LUZP2: variants seen among roughly 807,000 people sequenced by gnomAD.
The protein encoded by LUZP2 is leucine zipper protein 2.
Under a neutral mutation model 51.6 loss-of-function variants are expected in LUZP2, and 52 were observed. The observed-to-expected ratio is 1.01, with a 90% CI of 0.81 to 1.27. LUZP2 has a LOEUF of 1.27. LUZP2 is among the 50% of genes most tolerant of loss of function. The probability of loss-of-function intolerance (pLI) is 0.00; values close to 1 mark genes in which losing one functional copy is unlikely to be tolerated. For synonymous variants in LUZP2, 154 were observed against 137.3 expected (o/e 1.12, Z -0.85); for missense variants, 436 against 395.4 (o/e 1.10, Z -0.87).
intron 7 of LUZP2, among the ~76,000 whole-genome samples, chr11:24,922,837 C>CTTTTTTTTTTTTTTTTTTTTT (rs749672583): frequency 4.2e-5 from 2 of 47,318 alleles, no homozygotes; most frequent in Non-Finnish European, 3.7e-5. Flanking sequence ...TTTTTTTTTT[C>CTTTTTTTTTTTTTTTTTTTTT]TTTTTTTTTT....
At chr11:24,957,647 CA>C (rs1448725789) in intron 7 of LUZP2, among the ~76,000 whole-genome samples, 1 of 152,130 alleles carries the variant, frequency 6.6e-6, no homozygotes, top group African/African-American at 2.4e-5. Flanking sequence ...TCTTCAATTC[CA>C]TCCATGTTGT....
At chr11:24,660,432 A>G (rs1855979039) in intron 1 of LUZP2, among the ~76,000 whole-genome samples, 1 of 152,192 alleles carries the variant, frequency 6.6e-6, no homozygotes, top group African/African-American at 2.4e-5. Context: ...AGTCACAAGA[A>G]CTTTTACAAT....
chr11:25,081,029 A>ATTTTGTTT lies in LUZP2; in HGVS notation c.*2375_*2376insGTTTTTTT, dbSNP rs1554964353. On this transcript the variant is annotated 3_prime_UTR_variant, in exon 12 of 12. Coordinates refer to ENST00000336930, the MANE Select transcript of LUZP2 (RefSeq NM_001009909.4). ...ATCAAGTGGGCTTTGGATCCATATGATTTTTTTTTTTTTTTTTTTTTGAGA... is the reference window on the plus strand; with the variant it reads ...ATCAAGTGGGCTTTGGATCCATATGATTTTGTTTTTTTTTTTTTTTTTTTTTTTTGAGA... 29 of 100,708 alleles carry ATTTTGTTT rather than the reference A, an allele frequency of 2.9e-4. No homozygotes were observed. Among genetic ancestry groups the ATTTTGTTT allele is most frequent in the East Asian group, 1.8e-3 (5 of 2,826 alleles). The allele number at this position is 100,708 out of a possible 1,614,324, so 6.2% of individuals were successfully genotyped here.
At chr11:24,574,189 T>C (rs1418144213) in intron 1 of LUZP2, among the ~76,000 whole-genome samples, 3 of 147,720 alleles carry the variant, frequency 2.0e-5, no homozygotes, top group South Asian at 2.2e-4. Flanking sequence ...TTCTTTTCTT[T>C]CTTTCTTTCT....
At chr11:24,963,047 G>A (rs984740722) in intron 7 of LUZP2, among the ~76,000 whole-genome samples, 1 of 152,176 alleles carries the variant, frequency 6.6e-6, no homozygotes, top group Non-Finnish European at 1.5e-5. Flanking sequence ...TGTTTGCCTG[G>A]GTATCAGCAG....
intron 4 of LUZP2, among the ~76,000 whole-genome samples, chr11:24,745,810 T>A (rs1050785049): frequency 6.6e-6 from 1 of 152,146 alleles, no homozygotes. Context: ...CCTGAGTAGC[T>A]AGGATTACAG....
chr11:24,882,616 T>A (rs116953350), intron 5 of LUZP2, among the ~76,000 whole-genome samples: 1 of 151,956 alleles, frequency 6.6e-6, no homozygotes, highest in Non-Finnish European at 1.5e-5. Context: ...CCTTCCTCCC[T>A]CTTAACCTTC....
intron 1 of LUZP2, among the ~76,000 whole-genome samples, chr11:24,623,760 T>A (rs1489102407): frequency 6.6e-6 from 1 of 152,112 alleles, no homozygotes; most frequent in Non-Finnish European, 1.5e-5. Context: ...GGCAGGAGAA[T>A]TGCTTGAATC....
intron 1 of LUZP2, among the ~76,000 whole-genome samples, chr11:24,656,991 G>A (rs570344039): frequency 1.3e-5 from 2 of 152,294 alleles, no homozygotes; most frequent in East Asian, 1.9e-4. Flanking sequence ...GGATTAAGGC[G>A]TGGAAACTAA....
intron 1 of LUZP2, among the ~76,000 whole-genome samples, chr11:24,620,332 CTTT>C (rs941116900): frequency 6.6e-6 from 1 of 151,098 alleles, no homozygotes; most frequent in Non-Finnish European, 1.5e-5. Flanking sequence ...TTCAAATAAA[CTTT>C]TTTTTTGCAG....
intron 1 of LUZP2, among the ~76,000 whole-genome samples, chr11:24,678,518 A>G (rs1265041565): frequency 6.7e-6 from 1 of 149,554 alleles, no homozygotes; most frequent in Admixed American, 6.7e-5. Context: ...CACCTGTGAA[A>G]AGAAGGAAAA....
intron 1 of LUZP2, among the ~76,000 whole-genome samples, chr11:24,659,629 G>A (rs1321087042): frequency 6.6e-6 from 1 of 151,462 alleles, no homozygotes; most frequent in Non-Finnish European, 1.5e-5. Flanking sequence ...AATTTTGGCA[G>A]CCCGTTCAAG....
intron 5 of LUZP2, among the ~76,000 whole-genome samples, chr11:24,767,516 A>C (rs994456667): frequency 2.0e-5 from 3 of 152,214 alleles, no homozygotes; most frequent in African/African-American, 7.2e-5. Context: ...TCCCACTGGA[A>C]AATCTCTAGT....
In LUZP2 at chr11:24,771,128, G is replaced by A. The variant is rs577398550; in HGVS notation, c.396+7820G>A. On this transcript the variant is annotated intron_variant, in intron 5 of 11. Coordinates refer to ENST00000336930, the MANE Select transcript of LUZP2 (RefSeq NM_001009909.4). The stretch of plus-strand genomic sequence containing the variant: ...AGATTTTGTTTATTTTTATTTGTCT[G>A]CTTTAATTTTTCATGGGAAATATAG... 4.4e-4 allele frequency among the ~76,000 whole-genome samples: 67 copies of A among 152,138 alleles called. 2 individuals are homozygous for A. The South Asian group carries it at 0.014, about 31-fold the overall frequency.
At chr11:25,026,424 A>G (rs552000449) in intron 9 of LUZP2, among the ~76,000 whole-genome samples, 1 of 152,324 alleles carries the variant, frequency 6.6e-6, no homozygotes, top group East Asian at 1.9e-4. Context: ...GAGATAAATT[A>G]TTAGATTGTG....
chr11:24,931,551 T>A (rs1459983825), intron 7 of LUZP2, among the ~76,000 whole-genome samples: 1 of 152,186 alleles, frequency 6.6e-6, no homozygotes, highest in South Asian at 2.1e-4. Context: ...TCTCTAAGTG[T>A]GTCCTTCACT....
At chr11:24,815,192 A>G (rs1282083539) in intron 5 of LUZP2, among the ~76,000 whole-genome samples, 4 of 152,206 alleles carry the variant, frequency 2.6e-5, no homozygotes, top group Admixed American at 6.5e-5. Flanking sequence ...AAATTTTCCT[A>G]TAAATGAATC....
At chr11:25,048,447 A>G (rs1431122878) in intron 9 of LUZP2, among the ~76,000 whole-genome samples, 1 of 152,204 alleles carries the variant, frequency 6.6e-6, no homozygotes, top group East Asian at 1.9e-4. Context: ...TATTAGAGTT[A>G]CTTATGTGAA....
At chr11:24,960,586 G>C (rs538054548) in intron 7 of LUZP2, among the ~76,000 whole-genome samples, 3 of 152,034 alleles carry the variant, frequency 2.0e-5, no homozygotes, top group Admixed American at 1.3e-4. Context: ...TGGGATCGGT[G>C]GTGATATCCC....
Sources: allele counts gnomAD v4.1 joint callset (sites outside exome capture counted in the v4.1 genomes callset), GRCh38; gene constraint gnomAD v4.1.1; transcripts MANE v1.5; gene names NCBI Gene and HGNC (gene_info 2026-07-23, HGNC 2026-07-21).